The following COL17A1 variants were observed in gnomAD, a reference collection of about 807,000 sequenced individuals.
The protein encoded by COL17A1 is collagen type XVII alpha 1 chain.
Under a neutral mutation model 218.4 loss-of-function variants are expected in COL17A1, and 181 were observed. The ratio of observed to expected loss-of-function variants is 0.83; its 90% CI spans 0.73 to 0.94. COL17A1 has a LOEUF of 0.94. Among genes scored for constraint, COL17A1 ranks in the 40% least tolerant of loss-of-function variants. COL17A1 has a pLI of 0.00. For synonymous variants in COL17A1, 721 were observed against 731.0 expected (o/e 0.99, Z 0.22); for missense variants, 1,924 against 1,945.9 (o/e 0.99, Z 0.21).
intron 26 of COL17A1, 83 bp from the exon 27 acceptor site, chr10:104,050,739 C>T: frequency 6.2e-7 from 1 of 1,613,912 alleles, no homozygotes; most frequent in African/African-American, 1.3e-5. Context: ...TGAAGACAGG[C>T]TCCCTCAATC....
At chr10:104,033,122 T>G in intron 53 of COL17A1, 116 bp downstream of exon 53, 1 of 1,526,558 alleles carries the variant, frequency 6.6e-7, no homozygotes, top group East Asian at 2.4e-5. Flanking sequence ...TGTCTAATTT[T>G]GAGCATCTCA....
chr10:104,041,919 C>A (rs1385294796), intron 36 of COL17A1, among the ~76,000 whole-genome samples: 3 of 152,062 alleles, frequency 2.0e-5, no homozygotes. Flanking sequence ...TCAAAAAGAT[C>A]TACATCACGG....
At position 104,080,567 on chromosome 10, in the gene COL17A1, A is replaced by G; in HGVS notation, c.52+55T>C. On this transcript the variant is annotated intron_variant, in intron 2 of 55. Coordinates refer to ENST00000648076, the MANE Select transcript of COL17A1 (RefSeq NM_000494.4). The stretch of plus-strand genomic sequence containing the variant: ...AATGAATTACTTATTCTGTTTCCAA[A>G]TTTTTATTACTTTCATAATAAAACA... The G allele has an allele frequency of 1.9e-6, 3 of 1,589,860 alleles. No individual in the cohort carries two copies. The Admixed American group carries it at 5.0e-5, about 27-fold the overall frequency.
intron 6 of COL17A1, chr10:104,073,913 G>A (rs1210342086): frequency 2.3e-5 from 10 of 441,308 alleles, no homozygotes; most frequent in South Asian, 2.0e-4. Flanking sequence ...GGCCTTAGGG[G>A]CTTATCCATC....
intron 34 of COL17A1, 85 bp downstream of exon 34, chr10:104,043,740 A>G (rs1380535130): frequency 3.2e-6 from 5 of 1,572,834 alleles, no homozygotes; most frequent in Non-Finnish European, 4.4e-6. Context: ...TCCCAGCCAC[A>G]TCCTGCCCAG....
chr10:104,039,770 AC>A, intron 41 of COL17A1, 130 bp from the exon 42 acceptor site: 1 of 806,312 alleles, frequency 1.2e-6, no homozygotes, highest in Non-Finnish European at 1.9e-6. Flanking sequence ...GAGATGCCAC[AC>A]ACACACACAC....
At chr10:104,046,152 C>T (rs2086407415) in intron 32 of COL17A1, among the ~76,000 whole-genome samples, 1 of 152,256 alleles carries the variant, frequency 6.6e-6, no homozygotes, top group Non-Finnish European at 1.5e-5. Context: ...AATGCAGCAT[C>T]ACCCTCTTGC....
intron 5 of COL17A1, among the ~76,000 whole-genome samples, chr10:104,075,839 T>C (rs2086705483): frequency 6.6e-6 from 1 of 152,228 alleles, no homozygotes; most frequent in Admixed American, 6.5e-5. Context: ...CATCTTTGGG[T>C]ATCAAACTCT....
At position 104,076,397 on chromosome 10, in the gene COL17A1, T is replaced by C. The variant is rs2086710860; in HGVS notation, c.235A>G (p.Ser79Gly). Reference sequence around the variant, plus strand: ...GCAGGTGAGTGAGCCCTCCTGTAACTAGAGGTGGAGGCATGGCCTCGTGTG... The same window carrying C: ...GCAGGTGAGTGAGCCCTCCTGTAACCAGAGGTGGAGGCATGGCCTCGTGTG... The part of the protein sequence containing the change: ...GSTRGHASTS[S>G]YRRAHSPAST... Residue 79 changes from serine to glycine, a missense_variant, in exon 5 of 56, where the codon AGT becomes GGT. Ser to Gly is a moderately conservative substitution (Grantham distance 56, BLOSUM62 0). Transcript: ENST00000648076. 1 of 1,614,082 alleles carries C rather than the reference T, an allele frequency of 6.2e-7. No individual in the cohort carries two copies. Among genetic ancestry groups the C allele is most frequent in the Non-Finnish European group, 8.5e-7 (1 of 1,179,974 alleles).
intron 1 of COL17A1, among the ~76,000 whole-genome samples, chr10:104,084,884 C>T (rs976941775): frequency 2.8e-4 from 42 of 152,194 alleles, no homozygotes; most frequent in African/African-American, 1.0e-3. Flanking sequence ...TACAAGTCCA[C>T]TATTAGACTA....
chr10:104,044,818 G>A (rs1187106651), intron 33 of COL17A1, among the ~76,000 whole-genome samples: 1 of 152,158 alleles, frequency 6.6e-6, no homozygotes, highest in Non-Finnish European at 1.5e-5. Context: ...CAAAACCTAT[G>A]AGACTCTTAC....
chr10:104,060,759 T>A (rs1564681303), intron 13 of COL17A1, among the ~76,000 whole-genome samples: 1 of 152,230 alleles, frequency 6.6e-6, no homozygotes, highest in Non-Finnish European at 1.5e-5. Flanking sequence ...CCTTATAATC[T>A]GTATCCTTTT....
rs1279455718 is a variant in COL17A1 at position 104,057,079 on chromosome 10, G to A, written c.1361C>T (p.Ala454Val). 6.2e-7 allele frequency: 1 copy of A among 1,611,312 alleles called. No individual in the cohort carries two copies. The highest frequency in any genetic ancestry group is 1.7e-5 in the Admixed American group (1 of 59,684). ...AGGGPWGPAP[A>V]WCPCGSCCSW... ...GCAGCAGGAGCCGCAGGGGCACCAG[G>A]CTGGCGCTGGTCCCCAAGGGCCGCC... Residue 454 changes from alanine (A) to valine (V), a missense_variant, in exon 17 of 56, where the codon GCC becomes GTC. Coordinates refer to ENST00000648076, the MANE Select transcript of COL17A1 (RefSeq NM_000494.4).
rs765952707 is a variant in COL17A1, at chr10:104,049,442, C to T, written c.2194G>A (p.Ala732Thr). 2.5e-6 allele frequency: 4 copies of T among 1,614,238 alleles called. No individual in the cohort carries two copies. Among genetic ancestry groups the T allele is most frequent in the East Asian group, 2.2e-5 (1 of 44,884 alleles). The change falls in exon 29 of 56, where the codon GCT (alanine) becomes ACT (threonine). Residue 732 changes from alanine to threonine, a missense_variant. Physicochemically the swap from Ala to Thr is moderately conservative, Grantham distance 58. Coordinates refer to ENST00000648076, the MANE Select transcript of COL17A1 (RefSeq NM_000494.4). ...GEPGMRGLPG[A>T]VGEPGAKGAM... ...CCTTTAGCCCCGGGCTCACCAACAG[C>T]ACCAGGCAAACCTCTCATGCCAGGC...
chr10:104,065,090 C>A (rs9971242), intron 9 of COL17A1, among the ~76,000 whole-genome samples: 10,650 of 152,250 alleles, frequency 0.07, 1,228 homozygotes, highest in African/African-American at 0.24. Flanking sequence ...CACTGCATGC[C>A]TGGCAGCCTT....
In COL17A1 at chr10:104,060,118, C is replaced by G. The variant is rs112490588; in HGVS notation, c.1141+1G>C. ...CCCAAGCCACACAGGATCTGACGCA[C>G]TTGCAGCGATGCTGGCAGGGGAGGC... On this transcript the variant is annotated splice_donor_variant, in intron 14 of 55. Coordinates refer to ENST00000648076, the MANE Select transcript of COL17A1 (RefSeq NM_000494.4). LOFTEE classifies it high-confidence loss of function. The G allele has an allele frequency of 1.2e-6, 2 of 1,613,986 alleles. No individual in the cohort carries two copies. Among genetic ancestry groups the G allele is most frequent in the African/African-American group, 2.7e-5 (2 of 74,922 alleles).
chr10:104,040,267 A>G, intron 40 of COL17A1, 84 bp downstream of exon 40: 1 of 1,073,040 alleles, frequency 9.3e-7, no homozygotes. Context: ...CAGCTCATTC[A>G]GCTTCATCCA....
rs772274153 is a variant in COL17A1 at position 104,036,517 on chromosome 10, A to G, written c.3393T>C (p.Ser1131=). The G allele has an allele frequency of 2.7e-5, 44 of 1,613,646 alleles. No homozygotes were observed. The highest frequency in any genetic ancestry group is 5.5e-5 in the South Asian group (5 of 91,078). The change falls in exon 48 of 56, where the codon AGT becomes AGC. Residue 1131 remains serine (S), a synonymous_variant. Coordinates refer to ENST00000648076, the MANE Select transcript of COL17A1 (RefSeq NM_000494.4). ...TCGACATGTAGCTGAGAATGCGACT[A>G]CTCAGCTCTGCATAGTCCAAAGACA... is the stretch of plus-strand genomic sequence containing the variant. ...SLLSLDYAEL[S]SRILSYMSSS...
chr10:104,065,132 G>A (rs2086616292), intron 9 of COL17A1, among the ~76,000 whole-genome samples: 1 of 152,266 alleles, frequency 6.6e-6, no homozygotes, highest in East Asian at 1.9e-4. Flanking sequence ...ACATTCCTAT[G>A]TACCAGCCAG....
Sources: allele counts gnomAD v4.1 joint callset (sites outside exome capture counted in the v4.1 genomes callset), GRCh38; gene constraint gnomAD v4.1.1; transcripts MANE v1.5; gene names NCBI Gene and HGNC (gene_info 2026-07-23, HGNC 2026-07-21).